Variants in SH3TC1 observed in about 807,000 individuals in gnomAD.
The protein encoded by SH3TC1 is SH3 domain and tetratricopeptide repeats 1.
In SH3TC1, 135 loss-of-function variants were observed where a neutral mutation model predicts 117.3. The ratio of observed to expected loss-of-function variants is 1.15; its 90% CI spans 1.00 to 1.33. The LOEUF (loss-of-function observed/expected upper bound fraction) is 1.33. SH3TC1 is among the 40% of genes most tolerant of loss of function. The pLI, the probability that SH3TC1 is intolerant of heterozygous loss-of-function variation, is 0.00. For synonymous variants in SH3TC1, 898 were observed against 816.9 expected, an observed-to-expected ratio of 1.10 and a Z score of -1.69; for missense variants, 2,092 against 1,794.3, an observed-to-expected ratio of 1.17 and a Z score of -3.00.
In SH3TC1 at chr4:8,233,449, G is replaced by A; in HGVS notation, c.3218G>A (p.Trp1073Ter). 1 of 1,613,982 alleles carries A rather than the reference G, an allele frequency of 6.2e-7. No individual in the cohort carries two copies. The highest frequency in any genetic ancestry group is 8.5e-7 in the Non-Finnish European group (1 of 1,179,932). ...AAGAAAGAGAAGGAGGCGCATGCCT[G>A]GCTGCAAGCAGGGAAGATCTATTAC... Reference protein sequence around the residue: ...LQKKEKEAHAWLQAGKIYYIL... With the variant: ...LQKKEKEAHA The change falls in exon 14 of 18, where the codon TGG (tryptophan) becomes TAG (stop). Residue 1073 changes from tryptophan (W) to a stop codon, truncating the protein, a stop_gained. Coordinates refer to ENST00000245105, the MANE Select transcript of SH3TC1 (RefSeq NM_018986.5). LOFTEE classifies it high-confidence loss of function.
At chr4:8,236,775 ACCCT>A (rs1282487894) in intron 16 of SH3TC1, 1 of 231,864 alleles carries the variant, frequency 4.3e-6, no homozygotes, top group Non-Finnish European at 8.3e-6. Context: ...TGCCCTTCCC[ACCCT>A]CATCAACCAC....
chr4:8,229,747 C>A (rs1024358187), intron 12 of SH3TC1, among the ~76,000 whole-genome samples: 7 of 152,038 alleles, frequency 4.6e-5, no homozygotes, highest in Middle Eastern at 3.2e-3. Context: ...CAGGGCCATT[C>A]TCTGACTGCA....
At chr4:8,239,324 GAC>G (rs1722110510) in intron 17 of SH3TC1, among the ~76,000 whole-genome samples, 1 of 146,196 alleles carries the variant, frequency 6.8e-6, no homozygotes, top group African/African-American at 2.7e-5. Flanking sequence ...CAGGCACAGA[GAC>G]ACATGCACAC....
In SH3TC1 at chr4:8,236,417, G is replaced by A. The variant is rs1350382666; in HGVS notation, c.3545G>A (p.Ser1182Asn). The A allele has an allele frequency of 8.7e-6, 13 of 1,493,580 alleles. No homozygotes were observed. The highest frequency in any genetic ancestry group is 2.6e-5 in the East Asian group (1 of 38,062). The allele number at this position is 1,493,580 out of a possible 1,614,324, so 92.5% of individuals were successfully genotyped here. A position where few individuals can be genotyped will look rare whatever the true frequency, so the allele number is the denominator to read the frequency against. ...TTTGCCCACATGGCCCTAGCACTCA[G>A]CATCACCCTGGGTAAGCCCCCTGAG... ...LEFAHMALALSITLGDRLNER... is the reference protein window; with the variant it reads ...LEFAHMALALNITLGDRLNER... The change falls in exon 16 of 18, where the codon AGC (serine) becomes AAC (asparagine). Residue 1182 changes from serine to asparagine, a missense_variant. Ser to Asn is a conservative substitution (Grantham distance 46). Transcript: ENST00000245105.
chr4:8,237,724 C>T, intron 17 of SH3TC1, 54 bp downstream of exon 17: 2 of 1,526,214 alleles, frequency 1.3e-6, no homozygotes, highest in Non-Finnish European at 1.8e-6. Context: ...GGAGTGGGAT[C>T]TCCACCCAGA....
chr4:8,233,136 A>G (rs1455516128), intron 13 of SH3TC1: 29 of 1,365,918 alleles, frequency 2.1e-5, no homozygotes, highest in Non-Finnish European at 2.7e-5. Flanking sequence ...CCCCAGCCAC[A>G]GGGCAGCATG....
intron 4 of SH3TC1, 119 bp downstream of exon 4, chr4:8,212,947 C>T: frequency 7.3e-7 from 1 of 1,361,222 alleles, no homozygotes; most frequent in Non-Finnish European, 9.8e-7. Flanking sequence ...GCGAGAGCCA[C>T]TCAGGACAGT....
At chr4:8,207,815 G>C (rs959095649) in intron 2 of SH3TC1, among the ~76,000 whole-genome samples, 7 of 152,212 alleles carry the variant, frequency 4.6e-5, no homozygotes, top group Admixed American at 4.6e-4. Context: ...CCCTGGGATC[G>C]GCCATATCCA....
rs756876196 is a variant in SH3TC1 at position 8,227,962 on chromosome 4, C to G, written c.2268C>G (p.Pro756=). The G allele has an allele frequency of 5.6e-6, 9 of 1,612,482 alleles. No homozygotes were observed. Among genetic ancestry groups the G allele is most frequent in the South Asian group, 5.5e-5 (5 of 91,076 alleles). Residue 756 remains proline (P), a synonymous_variant, in exon 12 of 18, where the codon CCC becomes CCG. Transcript: ENST00000245105. The part of the protein sequence containing the change: ...RSVNLVLQNA[P]QPHSLPAQTS... ...TGAACCTGGTGCTCCAGAACGCCCC[C>G]CAGCCCCACAGCCTCCCTGCCCAAA...
intron 12 of SH3TC1, among the ~76,000 whole-genome samples, chr4:8,228,985 G>C (rs533931500): frequency 6.3e-4 from 96 of 152,332 alleles, no homozygotes; most frequent in Admixed American, 2.2e-3. Context: ...GCTGAGCTGG[G>C]ACTTGGGGCC....
rs142058136 is a variant in SH3TC1 at position 8,240,881 on chromosome 4, G to A, written c.3937G>A (p.Val1313Ile). ...CAGGACCTTCGCCACAGAGCTCAAC[G>A]TCCGCAGGGTCAACCTGCCTCCTCT... is the stretch of plus-strand genomic sequence containing the variant. ...KARTFATELN[V>I]RRVNLPPLPL... is the part of the protein sequence containing the mutation. Residue 1313 changes from valine (V) to isoleucine (I), a missense_variant, in exon 18 of 18, where the codon GTC becomes ATC. Coordinates refer to ENST00000245105, the MANE Select transcript of SH3TC1 (RefSeq NM_018986.5). 306 of 1,613,258 alleles carry A rather than the reference G, an allele frequency of 1.9e-4. No individual in the cohort carries two copies. The highest frequency in any genetic ancestry group is 2.5e-4 in the Non-Finnish European group (294 of 1,180,018).
At chr4:8,193,449 A>T (rs1390355904) in intron 1 of SH3TC1, among the ~76,000 whole-genome samples, 1 of 151,968 alleles carries the variant, frequency 6.6e-6, no homozygotes, top group Non-Finnish European at 1.5e-5. Context: ...GCTGGCCCTG[A>T]CCCCTGAGAA....
Position 8,212,753 on chromosome 4 carries a change from C to A in SH3TC1, c.300C>A (p.Pro100=). The A allele has an allele frequency of 6.2e-7, 1 of 1,612,690 alleles. No homozygotes were observed. Among genetic ancestry groups the A allele is most frequent in the Non-Finnish European group, 8.5e-7 (1 of 1,179,862 alleles). ...GGAGGAAGAGCAGACTGCGGGACCC[C>A]GGCCTACAGCAGACCCTCCGGGGCC... ...AVRRKSRLRD[P]GLQQTLRGQL... is the part of the protein sequence containing the mutation. The change falls in exon 4 of 18, where the codon CCC becomes CCA. Residue 100 remains proline (P), a synonymous_variant. Coordinates refer to ENST00000245105, the MANE Select transcript of SH3TC1 (RefSeq NM_018986.5).
At chr4:8,200,558 T>G (rs935360476) in intron 1 of SH3TC1, among the ~76,000 whole-genome samples, 10 of 152,198 alleles carry the variant, frequency 6.6e-5, no homozygotes, top group African/African-American at 2.4e-4. Context: ...GCCAGCGTTT[T>G]TTGCATGGAG....
At chr4:8,214,852 T>C (rs1333987278) in intron 5 of SH3TC1, among the ~76,000 whole-genome samples, 1 of 152,086 alleles carries the variant, frequency 6.6e-6, no homozygotes, top group African/African-American at 2.4e-5. Flanking sequence ...CCCAGCTAAA[T>C]TTTTTGTATT....
At chr4:8,202,657 G>T (rs73079705) in intron 1 of SH3TC1, among the ~76,000 whole-genome samples, 20,530 of 152,178 alleles carry the variant, frequency 0.13, 1,589 homozygotes, top group African/African-American at 0.18. Context: ...CACAGCCAGG[G>T]GCTGTCGCCT....
Position 8,227,827 on chromosome 4 carries a change from A to C in SH3TC1, c.2133A>C (p.Leu711=). The C allele has an allele frequency of 6.2e-7, 1 of 1,612,194 alleles. No individual in the cohort carries two copies. Reference sequence around the variant, plus strand: ...CCGCGTGGCTCTCAGACTGCTACCTACTCCTGGCTGACATCTACAGCCGCA... The same window carrying C: ...CCGCGTGGCTCTCAGACTGCTACCTCCTCCTGGCTGACATCTACAGCCGCA... ...PEAAWLSDCY[L]LLADIYSRKC... is the part of the protein sequence containing the mutation. The change falls in exon 12 of 18, where the codon CTA becomes CTC. Residue 711 remains leucine (L), a synonymous_variant. Coordinates refer to ENST00000245105, the MANE Select transcript of SH3TC1 (RefSeq NM_018986.5).
At chr4:8,208,772 G>C (rs1014932024) in intron 2 of SH3TC1, among the ~76,000 whole-genome samples, 2 of 152,242 alleles carry the variant, frequency 1.3e-5, no homozygotes, top group African/African-American at 4.8e-5. Context: ...CGCCACTGCA[G>C]GTGGTCAGCA....
chr4:8,214,082 G>C (rs1219200164), intron 4 of SH3TC1, among the ~76,000 whole-genome samples: 1 of 152,124 alleles, frequency 6.6e-6, no homozygotes, highest in Non-Finnish European at 1.5e-5. Flanking sequence ...ATGGAAATCA[G>C]AGCTGATGCT....
Sources: gnomAD v4.1 joint callset for allele counts (sites outside exome capture counted in the v4.1 genomes callset) on GRCh38, gnomAD v4.1.1 for gene constraint, MANE v1.5 for transcripts, NCBI Gene and HGNC (gene_info 2026-07-23, HGNC 2026-07-21) for gene names.